XIRP2: variants seen among roughly 807,000 people sequenced by gnomAD.
XIRP2 encodes xin actin binding repeat containing 2.
A neutral mutation model predicts 277.0 loss-of-function variants in XIRP2; 236 were observed. The observed-to-expected ratio is 0.85, with a 90% CI of 0.77 to 0.95. XIRP2 has a LOEUF of 0.95. XIRP2 is among the 40% of genes least tolerant of loss of function. The probability of loss-of-function intolerance (pLI) is 0.00; values close to 1 mark genes in which losing one functional copy is unlikely to be tolerated. For synonymous variants in XIRP2, 1,490 were observed against 1,416.5 expected, an observed-to-expected ratio of 1.05 and a Z score of -1.17; for missense variants, 4,640 against 4,157.5, an observed-to-expected ratio of 1.12 and a Z score of -3.19.
At position 167,247,164 on chromosome 2, in the gene XIRP2, A is replaced by C. The variant is rs1559041492; in HGVS notation, c.5772A>C (p.Thr1924=). The change falls in exon 9 of 11, where the codon ACA becomes ACC. Residue 1924 remains threonine, a synonymous_variant. Coordinates refer to ENST00000409195, the MANE Select transcript of XIRP2 (RefSeq NM_152381.6). ...AGCTTCTCAAAGATGACCTGGAAAC[A>C]TCACTAAGGTCTTTGAAAGAAGCAC... ...KKELLKDDLE[T]SLRSLKEAQR... 1 of 1,613,640 alleles carries C rather than the reference A, an allele frequency of 6.2e-7. No homozygotes were observed. Among genetic ancestry groups the C allele is most frequent in the South Asian group, 1.1e-5 (1 of 91,054 alleles).
At chr2:167,208,509 C>T (rs1382329336) in intron 3 of XIRP2, among the ~76,000 whole-genome samples, 2 of 152,020 alleles carry the variant, frequency 1.3e-5, no homozygotes, top group African/African-American at 4.8e-5. Flanking sequence ...GGGGTTTCAC[C>T]GTGTTAGCCA....
rs532697123 is a variant in XIRP2 at position 166,906,788 on chromosome 2, G to T, written c.408+2898G>T. 4.6e-5 allele frequency among the ~76,000 whole-genome samples: 7 copies of T among 152,152 alleles called. 1 individual carries two copies. Among genetic ancestry groups the T allele is most frequent in the African/African-American group, 1.7e-4 (7 of 41,522 alleles). ...CCCAGGCAACCCATAGCAAAACCCT[G>T]TCTCTACAAATATTTAAAAACTAGC... On this transcript the variant is annotated intron_variant, in intron 2 of 10. Coordinates refer to ENST00000409195, the MANE Select transcript of XIRP2 (RefSeq NM_152381.6).
intron 2 of XIRP2, among the ~76,000 whole-genome samples, chr2:166,940,856 A>T (rs1046232060): frequency 6.6e-6 from 1 of 152,042 alleles, no homozygotes; most frequent in Admixed American, 6.6e-5. Flanking sequence ...GTCTGCCCCT[A>T]CTTGGGGGTG....
intron 2 of XIRP2, among the ~76,000 whole-genome samples, chr2:167,086,113 C>T (rs1689933783): frequency 6.6e-6 from 1 of 152,206 alleles, no homozygotes; most frequent in East Asian, 1.9e-4. Flanking sequence ...GCACTTCCTT[C>T]AGGAGCTCTT....
intron 2 of XIRP2, among the ~76,000 whole-genome samples, chr2:167,047,534 CAG>C (rs1688814129): frequency 6.6e-6 from 1 of 151,862 alleles, no homozygotes; most frequent in African/African-American, 2.4e-5. Context: ...ATAAAATTTT[CAG>C]ATACAATTTT....
At chr2:167,059,929 A>C (rs1413364634) in intron 2 of XIRP2, among the ~76,000 whole-genome samples, 2 of 152,122 alleles carry the variant, frequency 1.3e-5, no homozygotes, top group Non-Finnish European at 2.9e-5. Flanking sequence ...GCTGCCTTAT[A>C]AGCTCTGGTT....
intron 1 of XIRP2, among the ~76,000 whole-genome samples, chr2:166,892,999 C>T (rs923619928): frequency 6.6e-6 from 1 of 150,930 alleles, no homozygotes; most frequent in African/African-American, 2.4e-5. Context: ...CACACACACA[C>T]ACACACACAA....
In XIRP2 at chr2:166,960,613, G is replaced by A. The variant is rs150231872; in HGVS notation, c.408+56723G>A. Reference sequence around the variant, plus strand: ...TATCTAAATTATCCCCGATTTTAAAGCAATGTGTATTATAAGGGGTAAACT... The same window carrying A: ...TATCTAAATTATCCCCGATTTTAAAACAATGTGTATTATAAGGGGTAAACT... On this transcript the variant is annotated intron_variant, in intron 2 of 10. Coordinates refer to ENST00000409195, the MANE Select transcript of XIRP2 (RefSeq NM_152381.6). 7.5e-3 allele frequency among the ~76,000 whole-genome samples: 1,145 copies of A among 151,802 alleles called. 11 individuals are homozygous for A. The highest frequency in any genetic ancestry group is 9.4e-3 in the Non-Finnish European group (637 of 67,792).
At chr2:167,044,545 C>T (rs1688741778) in intron 2 of XIRP2, among the ~76,000 whole-genome samples, 1 of 152,064 alleles carries the variant, frequency 6.6e-6, no homozygotes, top group Non-Finnish European at 1.5e-5. Context: ...AGCCCAAAGG[C>T]TCTTAGAACT....
intron 3 of XIRP2, among the ~76,000 whole-genome samples, chr2:167,152,071 G>C (rs1259679501): frequency 1.3e-5 from 2 of 152,104 alleles, no homozygotes; most frequent in Non-Finnish European, 2.9e-5. Context: ...CTCTGTGAGA[G>C]AAATGTCCCA....
At chr2:166,996,385 C>T (rs1220860270) in intron 2 of XIRP2, among the ~76,000 whole-genome samples, 2 of 152,162 alleles carry the variant, frequency 1.3e-5, no homozygotes, top group African/African-American at 2.4e-5. Context: ...AATCTCAGCA[C>T]TTTGGGTGGC....
At chr2:166,937,204 C>A (rs1558922436) in intron 2 of XIRP2, among the ~76,000 whole-genome samples, 1 of 152,174 alleles carries the variant, frequency 6.6e-6, no homozygotes, top group African/African-American at 2.4e-5. Context: ...TTTTCCCATT[C>A]CGTATGATAT....
chr2:167,191,185 C>CAAAAAAAAAAAAAAAAAA (rs931552422), intron 3 of XIRP2, among the ~76,000 whole-genome samples: 1 of 46,910 alleles, frequency 2.1e-5, no homozygotes, highest in Non-Finnish European at 4.7e-5. Context: ...GACCCTGTCT[C>CAAAAAAAAAAAAAAAAAA]AAAAAAAAAA....
At chr2:167,193,065 G>C (rs1474407500) in intron 3 of XIRP2, among the ~76,000 whole-genome samples, 1 of 152,148 alleles carries the variant, frequency 6.6e-6, no homozygotes, top group African/African-American at 2.4e-5. Context: ...TCATCATCCA[G>C]ATCTGGACAA....
At chr2:167,232,401 CTCTT>C (rs1330615374) in intron 5 of XIRP2, among the ~76,000 whole-genome samples, 5 of 143,310 alleles carry the variant, frequency 3.5e-5, no homozygotes, top group Non-Finnish European at 7.8e-5. Flanking sequence ...TTTTCCTTCT[CTCTT>C]TGAGTAACCC....
Position 167,251,268 on chromosome 2 carries a change from A to G in XIRP2, c.9876A>G (p.Ala3292=), listed in dbSNP as rs1168521877. 1 of 1,613,648 alleles carries G rather than the reference A, an allele frequency of 6.2e-7. No homozygotes were observed. The highest frequency in any genetic ancestry group is 1.3e-5 in the African/African-American group (1 of 74,994). Residue 3292 remains alanine, a synonymous_variant, in exon 9 of 11, where the codon GCA becomes GCG. Coordinates refer to ENST00000409195, the MANE Select transcript of XIRP2 (RefSeq NM_152381.6). The stretch of plus-strand genomic sequence containing the variant: ...TGCCCGACACTGAAAGTTATGATGC[A>G]GTTGAAATCATCCGCAAGGTTGCAG... ...HMVPDTESYD[A]VEIIRKVAVP... is the part of the protein sequence containing the mutation.
intron 2 of XIRP2, among the ~76,000 whole-genome samples, chr2:166,916,390 C>T (rs908595246): frequency 1.3e-5 from 2 of 152,156 alleles, no homozygotes; most frequent in African/African-American, 2.4e-5. Flanking sequence ...CCTCTCCTCT[C>T]ATCAGTGTTT....
At chr2:166,913,411 A>G (rs1450388539) in intron 2 of XIRP2, among the ~76,000 whole-genome samples, 5 of 151,694 alleles carry the variant, frequency 3.3e-5, no homozygotes, top group Non-Finnish European at 1.5e-5. Context: ...TGAGCCAGGC[A>G]TGGGATATAA....
intron 2 of XIRP2, among the ~76,000 whole-genome samples, chr2:167,110,821 T>C (rs1454831493): frequency 1.3e-5 from 2 of 152,180 alleles, no homozygotes; most frequent in East Asian, 3.8e-4. Flanking sequence ...TATTTTTCCA[T>C]TTGTTTGTAT....
Sources: allele counts gnomAD v4.1 joint callset (sites outside exome capture counted in the v4.1 genomes callset), GRCh38; gene constraint gnomAD v4.1.1; transcripts MANE v1.5; gene names NCBI Gene and HGNC (gene_info 2026-07-23, HGNC 2026-07-21).